Variants in ZNF680 observed in about 807,000 individuals in gnomAD.
ZNF680 encodes hypothetical protein FLJ90430.
Under a neutral mutation model 12.1 loss-of-function variants are expected in ZNF680, and 6 were observed. The ratio of observed to expected loss-of-function variants is 0.49; its 90% CI spans 0.27 to 0.98. The LOEUF is 0.98. Among genes scored for constraint, ZNF680 ranks in the 50% least tolerant of loss-of-function variants. ZNF680 has a pLI of 0.12. For synonymous variants in ZNF680, 170 were observed against 199.3 expected (o/e 0.85, Z 1.24); for missense variants, 561 against 616.3 (o/e 0.91, Z 0.95).
intron 3 of ZNF680, among the ~76,000 whole-genome samples, chr7:64,527,292 G>T (rs1013039219): frequency 6.6e-6 from 1 of 151,906 alleles, no homozygotes; most frequent in Non-Finnish European, 1.5e-5. Flanking sequence ...AATGAACAAT[G>T]AAAAAGAAAA....
intron 3 of ZNF680, among the ~76,000 whole-genome samples, chr7:64,538,067 T>C (rs977414555): frequency 2.6e-5 from 4 of 151,716 alleles, no homozygotes; most frequent in Admixed American, 1.3e-4. Flanking sequence ...AAAAATAACG[T>C]TGAAATCAGG....
At chr7:64,509,335 T>C in the ZNF680 span, among the ~76,000 whole-genome samples, 1 of 152,130 alleles carries the variant, frequency 6.6e-6, no homozygotes, top group Non-Finnish European at 1.5e-5. Flanking sequence ...CCACATCCTA[T>C]GTGTAAACAG....
Position 64,562,874 on chromosome 7 carries a change from G to T in ZNF680, c.30+51C>A, listed in dbSNP as rs1372055741. The T allele has an allele frequency of 6.2e-7, 1 of 1,609,550 alleles. No individual in the cohort carries two copies. Among genetic ancestry groups the T allele is most frequent in the Middle Eastern group, 1.7e-4 (1 of 6,032 alleles). Reference sequence around the variant, plus strand: ...AGTCCTGCCACAGCCACTTCCGACCGGTTCCAACCAGCCCCTCCCCCTCTC... The same window carrying T: ...AGTCCTGCCACAGCCACTTCCGACCTGTTCCAACCAGCCCCTCCCCCTCTC... On this transcript the variant is annotated intron_variant, in intron 1 of 3. Coordinates refer to ENST00000309683, the MANE Select transcript of ZNF680 (RefSeq NM_178558.5).
chr7:64,542,203 A>G (rs1786542509), intron 3 of ZNF680, among the ~76,000 whole-genome samples: 1 of 152,006 alleles, frequency 6.6e-6, no homozygotes, highest in South Asian at 2.1e-4. Flanking sequence ...ACAAACCCAG[A>G]GGACATCCCA....
intron 3 of ZNF680, among the ~76,000 whole-genome samples, chr7:64,537,112 C>T (rs1786208292): frequency 6.6e-6 from 1 of 152,150 alleles, no homozygotes; most frequent in Admixed American, 6.5e-5. Flanking sequence ...AAATCATACA[C>T]TGTGTGTTTT....
rs10228292 is a variant in ZNF680 at position 64,520,810 on chromosome 7, C to T, written c.*351G>A. ...GTTATGTTTGTCTTCAAAATAAACACGCTTCTTCACTTTAAAGTGTTATGT... is the reference window on the plus strand; with the variant it reads ...GTTATGTTTGTCTTCAAAATAAACATGCTTCTTCACTTTAAAGTGTTATGT... On this transcript the variant is annotated 3_prime_UTR_variant, in exon 4 of 4. Transcript: ENST00000309683. 134,850 of 183,362 alleles carry T rather than the reference C, an allele frequency of 0.74. 50,324 individuals are homozygous for T. Among genetic ancestry groups the T allele is most frequent in the African/African-American group, 0.88 (36,655 of 41,880 alleles). 11.4% of individuals were successfully genotyped at this position (183,362 alleles called of 1,614,324 possible).
the ZNF680 span, chr7:64,501,056 A>G: frequency 5.1e-6 from 4 of 778,872 alleles, no homozygotes; most frequent in African/African-American, 1.7e-5. Flanking sequence ...ATTGCTGGCC[A>G]GGTTTTAGAT....
At chr7:64,515,380 C>G (rs189133735), downstream of ZNF680, among the ~76,000 whole-genome samples, 7 of 152,142 alleles carry the variant, frequency 4.6e-5, no homozygotes, top group East Asian at 1.4e-3. Flanking sequence ...ACACAATGCC[C>G]CTTTCAAGCA....
rs536212065 is a variant in ZNF680, at chr7:64,561,600, A to G, written c.30+1325T>C. 2.4e-4 allele frequency among the ~76,000 whole-genome samples: 37 copies of G among 152,292 alleles called. 1 individual carries two copies. The South Asian group carries it at 7.0e-3, about 29-fold the overall frequency. On this transcript the variant is annotated intron_variant, in intron 1 of 3. Coordinates refer to ENST00000309683, the MANE Select transcript of ZNF680 (RefSeq NM_178558.5). ...CAAATCTTTTAAAAAGTACCATCCAATGATTTCTCAAAAAATGATTAATTA... is the reference window on the plus strand; with the variant it reads ...CAAATCTTTTAAAAAGTACCATCCAGTGATTTCTCAAAAAATGATTAATTA...
Position 64,521,406 on chromosome 7 carries a change from T to C in ZNF680, c.1348A>G (p.Thr450Ala). 1 of 1,613,698 alleles carries C rather than the reference T, an allele frequency of 6.2e-7. No homozygotes were observed. The highest frequency in any genetic ancestry group is 1.1e-5 in the South Asian group (1 of 91,062). The change falls in exon 4 of 4, where the codon ACT becomes GCT. Residue 450 changes from threonine to alanine, a missense_variant. By Grantham distance (58) the Thr-to-Ala change is moderately conservative (BLOSUM62 0). Transcript: ENST00000309683. ...GKGFTLFSTL[T>A]NHKVIHTGEK... ...CCAGTATGAATTACTTTATGGTTAG[T>C]AAGGGTTGAAAATAAAGTAAAGCCT...
At chr7:64,552,608 A>G (rs771813489) in intron 1 of ZNF680, among the ~76,000 whole-genome samples, 55 of 152,208 alleles carry the variant, frequency 3.6e-4, no homozygotes, top group Non-Finnish European at 7.2e-4. Flanking sequence ...CAATTTGGTA[A>G]TAAGTTTTAT....
intron 1 of ZNF680, among the ~76,000 whole-genome samples, chr7:64,550,497 G>T (rs1056838854): frequency 6.6e-6 from 1 of 152,164 alleles, no homozygotes; most frequent in African/African-American, 2.4e-5. Context: ...CTGAATAAAT[G>T]GAGTAGTAGC....
chr7:64,554,267 C>T (rs11764257), intron 1 of ZNF680, among the ~76,000 whole-genome samples: 10,230 of 151,296 alleles, frequency 0.068, 496 homozygotes, highest in Admixed American at 0.1. Context: ...AGTGTCTCTG[C>T]CCTGCCGCCA....
At chr7:64,529,202 C>A (rs890979287) in intron 3 of ZNF680, among the ~76,000 whole-genome samples, 3 of 152,172 alleles carry the variant, frequency 2.0e-5, no homozygotes, top group Admixed American at 2.0e-4. Context: ...AGAGCCTACG[C>A]CACTGCAAAG....
At chr7:64,541,832 G>A (rs1333041214) in intron 3 of ZNF680, among the ~76,000 whole-genome samples, 1 of 151,616 alleles carries the variant, frequency 6.6e-6, no homozygotes, top group African/African-American at 2.4e-5. Context: ...AGGCAGGCCT[G>A]CAGACCTTGT....
At chr7:64,501,515 G>A in the ZNF680 span, 1 of 786,532 alleles carries the variant, frequency 1.3e-6, no homozygotes, top group Non-Finnish European at 2.2e-6. Flanking sequence ...AGAACGGTAA[G>A]TGAGAAGAGG....
In ZNF680 at chr7:64,523,881, C is replaced by T. The variant is rs531647081; in HGVS notation, c.254-1381G>A. 3.3e-3 allele frequency among the ~76,000 whole-genome samples: 501 copies of T among 151,652 alleles called. 4 individuals are homozygous for T. Among genetic ancestry groups the T allele is most frequent in the Admixed American group, 8.5e-3 (129 of 15,230 alleles). On this transcript the variant is annotated intron_variant, in intron 3 of 3. Transcript: ENST00000309683. ...TGAGCTGAGATCGCGCCACTGCACT[C>T]CAGCCTGGGCGACAGAGCGAGACTC...
chr7:64,550,274 T>C (rs2116517825), intron 1 of ZNF680, among the ~76,000 whole-genome samples: 1 of 152,342 alleles, frequency 6.6e-6, no homozygotes, highest in East Asian at 1.9e-4. Flanking sequence ...TGTGGAATTA[T>C]TAGTTTAATT....
chr7:64,516,295 T>A (rs1791353901), downstream of ZNF680, among the ~76,000 whole-genome samples: 1 of 152,194 alleles, frequency 6.6e-6, no homozygotes, highest in Non-Finnish European at 1.5e-5. Flanking sequence ...TCTTGTTGCA[T>A]TGCTAAAACT....
Sources: gnomAD v4.1 joint callset for allele counts (sites outside exome capture counted in the v4.1 genomes callset) on GRCh38, gnomAD v4.1.1 for gene constraint, MANE v1.5 for transcripts, NCBI Gene and HGNC (gene_info 2026-07-23, HGNC 2026-07-21) for gene names.